The following ATP9B variants were observed in gnomAD, a reference collection of about 807,000 sequenced individuals.
The protein encoded by ATP9B is probable phospholipid-transporting ATPase IIB.
A neutral mutation model predicts 146.1 loss-of-function variants in ATP9B; 110 were observed. That is an observed-to-expected ratio of 0.75 (90% CI 0.65 to 0.88). The LOEUF (loss-of-function observed/expected upper bound fraction) is 0.88. Among genes scored for constraint, ATP9B ranks in the 40% least tolerant of loss-of-function variants. The probability of loss-of-function intolerance (pLI) is 0.00; values close to 1 mark genes in which losing one functional copy is unlikely to be tolerated. For synonymous variants in ATP9B, 604 were observed against 569.7 expected, an observed-to-expected ratio of 1.06 and a Z score of -0.86; for missense variants, 1,499 against 1,496.4, an observed-to-expected ratio of 1.00 and a Z score of -0.03.
intron 11 of ATP9B, among the ~76,000 whole-genome samples, chr18:79,252,860 A>G (rs1330800911): frequency 6.6e-6 from 1 of 151,574 alleles, no homozygotes; most frequent in Non-Finnish European, 1.5e-5. Flanking sequence ...GATCGGAAAG[A>G]CATACATACT....
intron 25 of ATP9B, among the ~76,000 whole-genome samples, chr18:79,348,506 C>T (rs771653135): frequency 3.3e-5 from 5 of 152,246 alleles, no homozygotes; most frequent in African/African-American, 4.8e-5. Flanking sequence ...AGAGTGGCCA[C>T]TGACAGGCCC....
At chr18:79,348,682 T>G (rs116817324) in intron 25 of ATP9B, among the ~76,000 whole-genome samples, 1 of 152,240 alleles carries the variant, frequency 6.6e-6, no homozygotes, top group Admixed American at 6.5e-5. Flanking sequence ...TTTTCAAAGA[T>G]AGCAGCACCA....
intron 5 of ATP9B, among the ~76,000 whole-genome samples, chr18:79,134,749 G>A (rs1340509638): frequency 2.0e-5 from 3 of 151,988 alleles, no homozygotes; most frequent in Non-Finnish European, 4.4e-5. Flanking sequence ...CTACTAAAAG[G>A]AATTTGCCTT....
chr18:79,354,175 G>A (rs917307577), intron 25 of ATP9B: 3 of 152,080 alleles, frequency 2.0e-5, no homozygotes, highest in Non-Finnish European at 2.9e-5. Flanking sequence ...AAAATATAAC[G>A]TGGTGTCATG....
intron 8 of ATP9B, among the ~76,000 whole-genome samples, chr18:79,181,087 G>T (rs72996128): frequency 0.1 from 15,444 of 152,090 alleles, 939 homozygotes; most frequent in African/African-American, 0.16. Context: ...GGGGATTAAG[G>T]GTGTGAGCCA....
chr18:79,344,178 T>C (rs2096873596), intron 20 of ATP9B, 87 bp from the exon 21 acceptor site: 2 of 1,229,528 alleles, frequency 1.6e-6, no homozygotes, highest in East Asian at 4.9e-5. Context: ...AACATTCCAC[T>C]GTGACTCTGC....
At chr18:79,339,908 CAG>C (rs527819845) in intron 19 of ATP9B, among the ~76,000 whole-genome samples, 150 of 152,166 alleles carry the variant, frequency 9.9e-4, no homozygotes, top group Non-Finnish European at 1.6e-3. Context: ...AATTCTGACT[CAG>C]AAAGTTTAGA....
chr18:79,355,628 T>A (rs1009437738), intron 25 of ATP9B, among the ~76,000 whole-genome samples: 9 of 149,440 alleles, frequency 6.0e-5, no homozygotes, highest in Non-Finnish European at 1.2e-4. Flanking sequence ...TTCTACCGTT[T>A]GTGCCGTGGG....
intron 1 of ATP9B, among the ~76,000 whole-genome samples, chr18:79,073,742 C>T (rs547612770): frequency 6.6e-6 from 1 of 152,328 alleles, no homozygotes; most frequent in South Asian, 2.1e-4. Flanking sequence ...TTCTCAATCT[C>T]ATCCAGTGAG....
At chr18:79,180,314 A>G (rs2095235645) in intron 8 of ATP9B, among the ~76,000 whole-genome samples, 1 of 151,748 alleles carries the variant, frequency 6.6e-6, no homozygotes, top group African/African-American at 2.4e-5. Flanking sequence ...TCTTTTCTTC[A>G]TCTTTTGGTG....
At chr18:79,155,108 C>G (rs749633786) in intron 7 of ATP9B, among the ~76,000 whole-genome samples, 1 of 152,042 alleles carries the variant, frequency 6.6e-6, no homozygotes, top group Non-Finnish European at 1.5e-5. Flanking sequence ...ACTTATTTAC[C>G]ACTTATTATT....
At chr18:79,346,116 G>A (rs116330981) in intron 23 of ATP9B, among the ~76,000 whole-genome samples, 3,408 of 146,376 alleles carry the variant, frequency 0.023, 134 homozygotes, top group African/African-American at 0.081. Context: ...GTCATCACAC[G>A]TCAGCTTGTG....
chr18:79,175,059 G>A (rs1267581081), intron 7 of ATP9B, among the ~76,000 whole-genome samples: 1 of 151,958 alleles, frequency 6.6e-6, no homozygotes, highest in Non-Finnish European at 1.5e-5. Flanking sequence ...AAATTAGCTG[G>A]GCATGGTGGC....
At chr18:79,365,915 C>T (rs1378237784) in intron 26 of ATP9B, among the ~76,000 whole-genome samples, 2 of 151,506 alleles carry the variant, frequency 1.3e-5, no homozygotes, top group African/African-American at 4.9e-5. Context: ...GGAAGGACAT[C>T]TCCGTGGACA....
At chr18:79,311,620 G>A (rs2096652912) in intron 15 of ATP9B, among the ~76,000 whole-genome samples, 1 of 152,084 alleles carries the variant, frequency 6.6e-6, no homozygotes, top group Non-Finnish European at 1.5e-5. Context: ...TACTAATTTA[G>A]CAATTATGAC....
chr18:79,069,875 C>T (rs545490712), intron 1 of ATP9B, among the ~76,000 whole-genome samples: 1 of 152,364 alleles, frequency 6.6e-6, no homozygotes, highest in East Asian at 1.9e-4. Context: ...TTCAGAGTCT[C>T]CGAAACTTGT....
intron 1 of ATP9B, chr18:79,085,934 G>T (rs2073781839): frequency 6.6e-6 from 1 of 151,674 alleles, no homozygotes; most frequent in Non-Finnish European, 1.5e-5. Flanking sequence ...AATTTTCTAT[G>T]AATCATAAAA....
intron 1 of ATP9B, among the ~76,000 whole-genome samples, chr18:79,088,320 ATATT>A (rs1320344908): frequency 1.3e-5 from 2 of 152,248 alleles, no homozygotes; most frequent in East Asian, 1.9e-4. Flanking sequence ...ATATTACAAT[ATATT>A]TATGTGGTGG....
At chr18:79,071,142 T>C (rs4380112) in intron 1 of ATP9B, among the ~76,000 whole-genome samples, 19,945 of 149,820 alleles carry the variant, frequency 0.13, 1,928 homozygotes, top group African/African-American at 0.27. Context: ...GTATAGTTTT[T>C]ACAGTGCTTG....
Sources: gnomAD v4.1 joint callset for allele counts (sites outside exome capture counted in the v4.1 genomes callset) on GRCh38, gnomAD v4.1.1 for gene constraint, MANE v1.5 for transcripts, NCBI Gene and HGNC (gene_info 2026-07-23, HGNC 2026-07-21) for gene names.